UBE2V2: variants seen among roughly 807,000 people sequenced by gnomAD.
UBE2V2 encodes the protein ubiquitin conjugating enzyme E2 V2, also known as ubiquitin-conjugating enzyme E2 variant 2.
A neutral mutation model predicts 17.2 loss-of-function variants in UBE2V2; 9 were observed. The ratio of observed to expected loss-of-function variants is 0.52; its 90% confidence interval spans 0.32 to 0.91. UBE2V2 has a LOEUF of 0.91. Among genes scored for constraint, UBE2V2 ranks in the 40% least tolerant of loss-of-function variants. The probability of loss-of-function intolerance (pLI) is 0.04; values close to 1 mark genes in which losing one functional copy is unlikely to be tolerated. For missense variants in UBE2V2, 133 were observed against 182.6 expected (o/e 0.73, Z 1.56); for synonymous variants, 61 against 57.5 (o/e 1.06, Z -0.28).
At chr8:48,004,467 G>A (rs1394064062), upstream of UBE2V2, among the ~76,000 whole-genome samples, 1 of 151,138 alleles carries the variant, frequency 6.6e-6, no homozygotes, top group African/African-American at 2.4e-5. Flanking sequence ...TGGCTTGAGA[G>A]TAGATAAGGA....
rs971585270 is a variant in UBE2V2, at chr8:48,064,549, T to G, written c.*3721T>G. The G allele has an allele frequency of 2.0e-5, 3 of 152,224 alleles. No homozygotes were observed. Among genetic ancestry groups the G allele is most frequent in the Non-Finnish European group, 4.4e-5 (3 of 68,040 alleles). The allele number at this position is 152,224 out of a possible 1,614,324, so 9.4% of individuals were successfully genotyped here. ...GATGAAATCTTACCATAGTTCATACTGAAAATGTTGTTTATTTAAAAGTAT... is the reference window on the plus strand; with the variant it reads ...GATGAAATCTTACCATAGTTCATACGGAAAATGTTGTTTATTTAAAAGTAT... On this transcript the variant is annotated 3_prime_UTR_variant, in exon 4 of 4. Transcript: ENST00000523111.
At chr8:48,013,474 A>C (rs951136312) in intron 1 of UBE2V2, among the ~76,000 whole-genome samples, 11 of 151,404 alleles carry the variant, frequency 7.3e-5, no homozygotes, top group Non-Finnish European at 1.6e-4. Context: ...TGCCCGGTTA[A>C]TTTTTTTTGT....
At chr8:48,044,307 G>A (rs2091484017) in intron 2 of UBE2V2, among the ~76,000 whole-genome samples, 1 of 152,030 alleles carries the variant, frequency 6.6e-6, no homozygotes, top group African/African-American at 2.4e-5. Flanking sequence ...CACCACCACT[G>A]CTGGCTAATA....
chr8:48,035,208 C>T lies in UBE2V2; in HGVS notation c.17-7825C>T, dbSNP rs1429978619. The T allele has an allele frequency of 2.1e-5, 18 of 861,374 alleles. No individual in the cohort carries two copies. The South Asian group carries it at 2.1e-4, about 10-fold the overall frequency. The allele number at this position is 861,374 out of a possible 1,614,324, so 53.4% of individuals were successfully genotyped here. ...TCAGCTCACTGCTACTTCTGCCTCC[C>T]GGGTTCAAGCAATTCTCATGTCTCA... On this transcript the variant is annotated intron_variant, in intron 1 of 3. Coordinates refer to ENST00000523111, the MANE Select transcript of UBE2V2 (RefSeq NM_003350.3).
At chr8:48,048,370 T>G (rs889727202) in intron 2 of UBE2V2, among the ~76,000 whole-genome samples, 2 of 152,234 alleles carry the variant, frequency 1.3e-5, no homozygotes, top group East Asian at 3.8e-4. Context: ...TTAATCTACT[T>G]TCTTGCTTTT....
At chr8:48,048,245 A>G (rs938911548) in intron 2 of UBE2V2, among the ~76,000 whole-genome samples, 1 of 152,198 alleles carries the variant, frequency 6.6e-6, no homozygotes, top group South Asian at 2.1e-4. Context: ...AGTCTGAGCA[A>G]TTCAGTTGTG....
chr8:48,040,896 ACT>A (rs1166317838), intron 1 of UBE2V2, among the ~76,000 whole-genome samples: 15 of 114,050 alleles, frequency 1.3e-4, no homozygotes, highest in Admixed American at 1.2e-3. Flanking sequence ...ACAGAGTCTC[ACT>A]CTGTCACCCA....
At chr8:48,020,647 A>G (rs138834912) in intron 1 of UBE2V2, among the ~76,000 whole-genome samples, 137 of 151,870 alleles carry the variant, frequency 9.0e-4, no homozygotes, top group African/African-American at 3.2e-3. Context: ...TTATTTTTTG[A>G]GACAGTGTGT....
upstream of UBE2V2, chr8:48,008,376 G>C (rs755663054): frequency 6.5e-7 from 1 of 1,530,034 alleles, no homozygotes; most frequent in Non-Finnish European, 8.7e-7. Flanking sequence ...TGTGACGCGT[G>C]CAGGGCGGCG....
intron 1 of UBE2V2, among the ~76,000 whole-genome samples, chr8:48,030,988 C>G (rs1466268570): frequency 6.6e-6 from 1 of 152,170 alleles, no homozygotes; most frequent in Non-Finnish European, 1.5e-5. Context: ...CACCATTGCC[C>G]TTCATTGTGG....
chr8:48,036,490 G>T (rs2091426029), intron 1 of UBE2V2, among the ~76,000 whole-genome samples: 1 of 151,286 alleles, frequency 6.6e-6, no homozygotes, highest in South Asian at 2.1e-4. Context: ...CAGGAGTGCA[G>T]TGGTGCGATC....
chr8:48,007,891 G>A (rs542097078), upstream of UBE2V2, among the ~76,000 whole-genome samples: 6 of 152,024 alleles, frequency 3.9e-5, no homozygotes, highest in South Asian at 4.2e-4. Context: ...CTTTTGAATC[G>A]TTTATCAACG....
rs746058719 is a variant in UBE2V2 at position 48,008,475 on chromosome 8, G to T, written c.16+5G>T. The T allele has an allele frequency of 1.3e-6, 2 of 1,567,644 alleles. No individual in the cohort carries two copies. The highest frequency in any genetic ancestry group is 8.6e-7 in the Non-Finnish European group (1 of 1,158,894). On this transcript the variant is annotated splice_donor_5th_base_variant and intron_variant, in intron 1 of 3. Coordinates refer to ENST00000523111, the MANE Select transcript of UBE2V2 (RefSeq NM_003350.3). The stretch of plus-strand genomic sequence containing the variant: ...AGAAGATGGCGGTCTCCACAGGTCG[G>T]TTCCCGGGCCGGGCTGCGTGATTTT...
chr8:48,062,556 C>G lies in UBE2V2; in HGVS notation c.*1728C>G, dbSNP rs936180752. On this transcript the variant is annotated 3_prime_UTR_variant, in exon 4 of 4. Transcript: ENST00000523111. Reference sequence around the variant, plus strand: ...GCAGTGCCGAGAGCGCACCACTGCTCCAGCCTGGGCAACAGAGCAAGACTC... The same window carrying G: ...GCAGTGCCGAGAGCGCACCACTGCTGCAGCCTGGGCAACAGAGCAAGACTC... 1 of 147,716 alleles carries G rather than the reference C, an allele frequency of 6.8e-6. No homozygotes were observed. Among genetic ancestry groups the G allele is most frequent in the Non-Finnish European group, 1.5e-5 (1 of 67,580 alleles). 9.2% of individuals were successfully genotyped at this position (147,716 alleles called of 1,614,324 possible). A position where few individuals can be genotyped will look rare whatever the true frequency, so the allele number is the denominator to read the frequency against.
chr8:47,997,467 A>G, the UBE2V2 span, among the ~76,000 whole-genome samples: 1 of 152,016 alleles, frequency 6.6e-6, no homozygotes, highest in Non-Finnish European at 1.5e-5. Flanking sequence ...AGTCATCCGC[A>G]TGGGCCTGGG....
intron 1 of UBE2V2, among the ~76,000 whole-genome samples, chr8:48,022,094 C>A (rs2091309439): frequency 6.6e-6 from 1 of 151,656 alleles, no homozygotes; most frequent in Non-Finnish European, 1.5e-5. Context: ...ATCCTTTATA[C>A]TTTTACCCTA....
intron 3 of UBE2V2, among the ~76,000 whole-genome samples, chr8:48,058,194 C>T (rs976343567): frequency 4.0e-5 from 6 of 150,948 alleles, no homozygotes; most frequent in Non-Finnish European, 5.9e-5. Flanking sequence ...ATTGGCCGGG[C>T]GTGGTGGCTC....
chr8:48,022,140 ATCT>A (rs2091309745), intron 1 of UBE2V2, among the ~76,000 whole-genome samples: 1 of 148,786 alleles, frequency 6.7e-6, no homozygotes, highest in African/African-American at 2.5e-5. Flanking sequence ...CACAGTTTGG[ATCT>A]TTTTTTTTTT....
chr8:48,005,975 C>T (rs866419151), upstream of UBE2V2, among the ~76,000 whole-genome samples: 12 of 152,202 alleles, frequency 7.9e-5, no homozygotes, highest in African/African-American at 2.7e-4. Flanking sequence ...CCTGTTCACT[C>T]TCATGGTAGT....
Sources: gnomAD v4.1 joint callset for allele counts (sites outside exome capture counted in the v4.1 genomes callset) on GRCh38, gnomAD v4.1.1 for gene constraint, MANE v1.5 for transcripts, NCBI Gene and HGNC (gene_info 2026-07-23, HGNC 2026-07-21) for gene names.